PTPRK: variants seen among roughly 807,000 people sequenced by gnomAD.
The protein encoded by PTPRK is receptor-type tyrosine-protein phosphatase kappa.
PTPRK carries 75 observed loss-of-function variants against 178.0 expected under a neutral mutation model. That is an observed-to-expected ratio of 0.42 (90% CI 0.35 to 0.51). The LOEUF is 0.51. Among genes scored for constraint, PTPRK ranks in the 20% least tolerant of loss-of-function variants. PTPRK has a pLI of 0.02. For synonymous variants in PTPRK, 637 were observed against 620.6 expected (o/e 1.03, Z -0.39); for missense variants, 1,441 against 1,797.8 (o/e 0.80, Z 3.59).
chr6:128,216,823 C>T (rs994377512), intron 6 of PTPRK, among the ~76,000 whole-genome samples: 2 of 152,034 alleles, frequency 1.3e-5, no homozygotes, highest in African/African-American at 2.4e-5. Context: ...ATAAAGGGAG[C>T]ACCTGGATAA....
intron 7 of PTPRK, among the ~76,000 whole-genome samples, chr6:128,149,144 C>T (rs1327372941): frequency 4.0e-5 from 5 of 124,286 alleles, no homozygotes; most frequent in Non-Finnish European, 7.8e-5. Flanking sequence ...GGGTGGGGAA[C>T]ATCACACACG....
chr6:128,095,130 T>C (rs1436743912), intron 7 of PTPRK, among the ~76,000 whole-genome samples: 2 of 151,926 alleles, frequency 1.3e-5, no homozygotes, highest in African/African-American at 4.8e-5. Flanking sequence ...GAAAGCTGAC[T>C]TTTCTAAAAA....
chr6:128,104,491 G>A (rs1310933603), intron 7 of PTPRK, among the ~76,000 whole-genome samples: 2 of 152,140 alleles, frequency 1.3e-5, no homozygotes, highest in African/African-American at 2.4e-5. Context: ...CAAAGTTCTG[G>A]GATTATAGGC....
At chr6:127,981,805 T>C (rs148183950) in intron 24 of PTPRK, among the ~76,000 whole-genome samples, 28 of 152,294 alleles carry the variant, frequency 1.8e-4, no homozygotes, top group African/African-American at 4.8e-4. Flanking sequence ...TAACATGTAC[T>C]ACAAACTTCA....
At chr6:128,050,126 A>T (rs1385395720) in intron 13 of PTPRK, among the ~76,000 whole-genome samples, 1 of 146,726 alleles carries the variant, frequency 6.8e-6, no homozygotes, top group Admixed American at 6.6e-5. Context: ...ACAACAGTGA[A>T]ATTCCGCCTC....
intron 13 of PTPRK, among the ~76,000 whole-genome samples, chr6:128,023,935 G>A (rs1175042933): frequency 2.6e-5 from 4 of 151,804 alleles, no homozygotes; most frequent in Non-Finnish European, 4.4e-5. Context: ...CTCCCAAAGT[G>A]CTGGGATTAC....
At chr6:128,339,001 T>C (rs1831314968) in intron 2 of PTPRK, among the ~76,000 whole-genome samples, 1 of 152,176 alleles carries the variant, frequency 6.6e-6, no homozygotes, top group Admixed American at 6.5e-5. Context: ...CCCATAATGC[T>C]ATTATGTTTT....
At chr6:128,041,731 ATATAT>A (rs1777196692) in intron 13 of PTPRK, among the ~76,000 whole-genome samples, 1 of 151,648 alleles carries the variant, frequency 6.6e-6, no homozygotes, top group South Asian at 2.1e-4. Flanking sequence ...TCAACAAATT[ATATAT>A]TATATATGTA....
At chr6:128,473,696 TC>T (rs1453040100) in intron 1 of PTPRK, among the ~76,000 whole-genome samples, 1 of 151,978 alleles carries the variant, frequency 6.6e-6, no homozygotes, top group Middle Eastern at 3.2e-3. Flanking sequence ...ACTCTTAATT[TC>T]CATGATCTTA....
At chr6:128,469,575 C>T (rs1017348311) in intron 1 of PTPRK, among the ~76,000 whole-genome samples, 10 of 152,090 alleles carry the variant, frequency 6.6e-5, no homozygotes, top group African/African-American at 1.9e-4. Context: ...TGCTTCAAGT[C>T]ATATTTTTAT....
At chr6:128,043,709 T>A (rs1777577852) in intron 13 of PTPRK, among the ~76,000 whole-genome samples, 2 of 151,966 alleles carry the variant, frequency 1.3e-5, no homozygotes, top group Non-Finnish European at 2.9e-5. Flanking sequence ...TGTTTGCATG[T>A]TATCAATATA....
intron 7 of PTPRK, among the ~76,000 whole-genome samples, chr6:128,129,495 T>G (rs937080648): frequency 7.9e-5 from 12 of 152,198 alleles, no homozygotes; most frequent in African/African-American, 2.9e-4. Flanking sequence ...AGGTTCTTTT[T>G]GTTACATTCA....
At chr6:128,229,649 A>G (rs1313442675) in intron 5 of PTPRK, among the ~76,000 whole-genome samples, 2 of 152,210 alleles carry the variant, frequency 1.3e-5, no homozygotes, top group Non-Finnish European at 2.9e-5. Flanking sequence ...TAATCATATC[A>G]AAAAGAATCA....
At chr6:128,042,854 A>G (rs556987770) in intron 13 of PTPRK, among the ~76,000 whole-genome samples, 310 of 152,136 alleles carry the variant, frequency 2.0e-3, no homozygotes, top group African/African-American at 7.0e-3. Context: ...GTTTTGATTG[A>G]CAGCATTAAA....
At chr6:128,188,551 A>G (rs556530936) in intron 6 of PTPRK, among the ~76,000 whole-genome samples, 1 of 152,268 alleles carries the variant, frequency 6.6e-6, no homozygotes, top group South Asian at 2.1e-4. Context: ...GACATAAAGT[A>G]TCGTAAGATT....
chr6:128,009,228 G>A lies in PTPRK; in HGVS notation c.2235C>T (p.Ala745=). The A allele has an allele frequency of 6.2e-7, 1 of 1,608,788 alleles. No homozygotes were observed. The highest frequency in any genetic ancestry group is 8.5e-7 in the Non-Finnish European group (1 of 1,176,884). Residue 745 remains alanine (A), a synonymous_variant, in exon 14 of 30, where the codon GCC becomes GCT. Transcript: ENST00000368226. ...TEEPEVIPDP[A]KQTDRVVKIA... is the part of the protein sequence containing the mutation. ...TTTTCACCACTCTGTCTGTCTGCTT[G>A]GCGGGATCTGGGATCACTTCTGGTT...
chr6:128,228,728 A>G (rs534225831), intron 5 of PTPRK, among the ~76,000 whole-genome samples: 3 of 151,958 alleles, frequency 2.0e-5, no homozygotes, highest in East Asian at 1.9e-4. Context: ...AAGTTTATAA[A>G]CTACATAATG....
intron 13 of PTPRK, among the ~76,000 whole-genome samples, chr6:128,032,212 C>G (rs970214244): frequency 2.0e-5 from 3 of 152,154 alleles, no homozygotes; most frequent in Non-Finnish European, 4.4e-5. Flanking sequence ...TTGAGCCCTG[C>G]CTCCTGACTT....
At chr6:128,201,610 GCACTTTGGGAGGCTGAGA>G (rs1805971480) in intron 6 of PTPRK, among the ~76,000 whole-genome samples, 1 of 152,134 alleles carries the variant, frequency 6.6e-6, no homozygotes, top group Admixed American at 6.5e-5. Context: ...TGTAATCTCA[GCACTTTGGGAGGCTGAGA>G]TGGGAGGACT....
Sources: allele counts gnomAD v4.1 joint callset (sites outside exome capture counted in the v4.1 genomes callset), GRCh38; gene constraint gnomAD v4.1.1; transcripts MANE v1.5; gene names NCBI Gene and HGNC (gene_info 2026-07-23, HGNC 2026-07-21).